AHI1: variants seen among roughly 807,000 people sequenced by gnomAD.
The protein encoded by AHI1 is jouberin.
AHI1 carries 123 observed loss-of-function variants against 149.3 expected under a neutral mutation model. That is an observed-to-expected ratio of 0.82 (90% CI 0.71 to 0.96). The LOEUF (loss-of-function observed/expected upper bound fraction) is 0.96, where lower values mean the gene tolerates loss of function less well. AHI1 is among the 40% of genes least tolerant of loss of function. AHI1 has a pLI of 0.00. For synonymous variants in AHI1, 475 were observed against 459.8 expected (o/e 1.03, Z -0.42); for missense variants, 1,439 against 1,422.7 (o/e 1.01, Z -0.18).
intron 24 of AHI1, among the ~76,000 whole-genome samples, chr6:135,332,362 T>A (rs1788732028): frequency 6.6e-6 from 1 of 152,348 alleles, no homozygotes. Context: ...CCACCGCTCC[T>A]GGCCCAGGTT....
chr6:135,479,140 A>G (rs1203282252), intron 5 of AHI1, among the ~76,000 whole-genome samples: 1 of 152,252 alleles, frequency 6.6e-6, no homozygotes, highest in Admixed American at 6.5e-5. Flanking sequence ...AGGGCAGTGC[A>G]GAAGAGAAAT....
intron 23 of AHI1, among the ~76,000 whole-genome samples, chr6:135,389,774 G>C (rs954560160): frequency 6.6e-6 from 1 of 152,150 alleles, no homozygotes; most frequent in African/African-American, 2.4e-5. Flanking sequence ...AATGAAATAT[G>C]CTGTCCTTCA....
In AHI1 at chr6:135,372,518, G is replaced by GA. The variant is rs61208164; in HGVS notation, c.3110-14332dup. Among the ~76,000 whole-genome samples the GA allele has an allele frequency of 2.8e-3, 380 of 136,336 alleles. 4 individuals carry two copies. Among genetic ancestry groups the GA allele is most frequent in the African/African-American group, 7.3e-3 (255 of 35,004 alleles). The allele number at this position is 136,336 out of a possible 152,430, so 89.4% of individuals were successfully genotyped here. On this transcript the variant is annotated intron_variant, in intron 23 of 28. Transcript: ENST00000265602. ...ACCCTGTCTCTACCGGAAAAAAAAA[G>GA]AAAAAAAAAAAAGAAAAAAAAAATT...
intron 15 of AHI1, among the ~76,000 whole-genome samples, chr6:135,437,065 G>A (rs938101622): frequency 6.6e-6 from 1 of 152,226 alleles, no homozygotes; most frequent in Non-Finnish European, 1.5e-5. Flanking sequence ...GAGATGGACA[G>A]AGATTAAAAA....
rs1313574878 is a variant in AHI1, at chr6:135,283,840, T to A, written c.*1805A>T. 6.6e-6 allele frequency: 1 copy of A among 152,202 alleles called. No individual in the cohort carries two copies. Among genetic ancestry groups the A allele is most frequent in the Non-Finnish European group, 1.5e-5 (1 of 68,016 alleles). The allele number at this position is 152,202 out of a possible 1,614,324, so 9.4% of individuals were successfully genotyped here. On this transcript the variant is annotated 3_prime_UTR_variant, in exon 29 of 29. Coordinates refer to ENST00000265602, the MANE Select transcript of AHI1 (RefSeq NM_001134831.2). ...GTTGCAATATAAAAACAACCCTTTA[T>A]TTTTCATATAAACATCAAGAGCTTA...
intron 23 of AHI1, among the ~76,000 whole-genome samples, chr6:135,385,339 A>G (rs1777436045): frequency 6.6e-6 from 1 of 152,172 alleles, no homozygotes; most frequent in South Asian, 2.1e-4. Context: ...AAGACATGGA[A>G]GAAAAGAGGA....
At chr6:135,348,960 T>C (rs1275277084) in intron 24 of AHI1, among the ~76,000 whole-genome samples, 1 of 152,156 alleles carries the variant, frequency 6.6e-6, no homozygotes, top group Non-Finnish European at 1.5e-5. Context: ...GGCACAAATA[T>C]ATAAATAATG....
At chr6:135,446,889 T>TA (rs1787322720) in intron 13 of AHI1, 119 bp downstream of exon 13, 1 of 1,139,220 alleles carries the variant, frequency 8.8e-7, no homozygotes. Context: ...AAATTGTGGT[T>TA]AAAAACAAGG....
chr6:135,300,696 G>A, intron 26 of AHI1, 138 bp from the exon 27 acceptor site: 1 of 1,426,686 alleles, frequency 7.0e-7, no homozygotes, highest in Non-Finnish European at 9.2e-7. Flanking sequence ...ATCTATGCCT[G>A]TCCTGAACAT....
chr6:135,343,554 C>CA (rs1040375824), intron 24 of AHI1, among the ~76,000 whole-genome samples: 5 of 149,432 alleles, frequency 3.3e-5, no homozygotes, highest in East Asian at 2.0e-4. Context: ...TGGATCAATG[C>CA]AAAAAAATTC....
At chr6:135,482,980 C>T (rs1793938086) in intron 5 of AHI1, among the ~76,000 whole-genome samples, 1 of 142,620 alleles carries the variant, frequency 7.0e-6, no homozygotes, top group Non-Finnish European at 1.5e-5. Context: ...CAACCTCCAC[C>T]TCCCGGCTTC....
chr6:135,494,921 C>T (rs1408011606), intron 3 of AHI1, among the ~76,000 whole-genome samples: 7 of 152,118 alleles, frequency 4.6e-5, no homozygotes, highest in Admixed American at 1.3e-4. Context: ...AGAAAGTCCA[C>T]TGAATCTGCA....
chr6:135,314,212 G>T (rs1785611698), intron 26 of AHI1, among the ~76,000 whole-genome samples: 1 of 151,002 alleles, frequency 6.6e-6, no homozygotes, highest in African/African-American at 2.4e-5. Flanking sequence ...GTATTTGGGA[G>T]GTAATTAGGT....
chr6:135,383,130 T>C (rs926402253), intron 23 of AHI1, among the ~76,000 whole-genome samples: 3 of 149,424 alleles, frequency 2.0e-5, no homozygotes, highest in African/African-American at 7.4e-5. Flanking sequence ...CAGAAATGTG[T>C]CCAACATTTT....
chr6:135,295,460 G>T (rs1162792626), intron 27 of AHI1, among the ~76,000 whole-genome samples: 1 of 151,994 alleles, frequency 6.6e-6, no homozygotes, highest in Non-Finnish European at 1.5e-5. Flanking sequence ...TCAGTGATAT[G>T]ATGTTAAACA....
rs569909282 is a variant in AHI1 at position 135,421,706 on chromosome 6, T to C, written c.2764+5461A>G. ...AAGAGGAAGTCAGGGCTCTGGTTTATGCTCAAAACTATCAAGTTAAGTTTT... is the reference window on the plus strand; with the variant it reads ...AAGAGGAAGTCAGGGCTCTGGTTTACGCTCAAAACTATCAAGTTAAGTTTT... On this transcript the variant is annotated intron_variant, in intron 20 of 28. Transcript: ENST00000265602. Among the ~76,000 whole-genome samples, 5 of 152,328 alleles carry C rather than the reference T, an allele frequency of 3.3e-5. No individual in the cohort carries two copies. In the East Asian group the frequency reaches 7.7e-4, roughly 23 times the overall value.
At chr6:135,312,717 A>C (rs1785386049) in intron 26 of AHI1, among the ~76,000 whole-genome samples, 6 of 152,234 alleles carry the variant, frequency 3.9e-5, no homozygotes, top group Admixed American at 3.9e-4. Flanking sequence ...TATGGAGGCC[A>C]TGCTCCTAAT....
chr6:135,472,150 T>C (rs1399941632), intron 5 of AHI1, among the ~76,000 whole-genome samples: 2 of 151,546 alleles, frequency 1.3e-5, no homozygotes, highest in Admixed American at 6.6e-5. Flanking sequence ...AATCATGACA[T>C]TGAACATTTC....
At chr6:135,306,068 T>A (rs1385586869) in intron 26 of AHI1, among the ~76,000 whole-genome samples, 1 of 152,262 alleles carries the variant, frequency 6.6e-6, no homozygotes, top group Non-Finnish European at 1.5e-5. Flanking sequence ...CCTGTTAGAC[T>A]GTAAGTTCCA....
Sources: gnomAD v4.1 joint callset for allele counts (sites outside exome capture counted in the v4.1 genomes callset) on GRCh38, gnomAD v4.1.1 for gene constraint, MANE v1.5 for transcripts, NCBI Gene and HGNC (gene_info 2026-07-23, HGNC 2026-07-21) for gene names.